The following GNG13 variants were observed in gnomAD, a reference collection of about 807,000 sequenced individuals.
The protein encoded by GNG13 is guanine nucleotide-binding protein G(I)/G(S)/G(O) subunit gamma-13.
Under a neutral mutation model 8.2 loss-of-function variants are expected in GNG13, and 12 were observed. The observed-to-expected ratio is 1.47, with a 90% confidence interval of 0.94 to 2.38. The LOEUF is 2.38. Among genes scored for constraint, GNG13 ranks in the 30% most tolerant of loss-of-function variants. The pLI is 0.00. For missense variants in GNG13, 100 were observed against 85.2 expected (o/e 1.17, Z -0.68); for synonymous variants, 45 against 33.0 (o/e 1.37, Z -1.25).
chr16:800,291 C>G (rs2042435232), intron 1 of GNG13, among the ~76,000 whole-genome samples: 2 of 152,302 alleles, frequency 1.3e-5, no homozygotes, highest in Admixed American at 6.5e-5. Context: ...GGGCGCAGGA[C>G]TAGCTGCGTG....
In GNG13 at chr16:798,655, AGATGGTGGGAG is replaced by A. The variant is rs2042419694; in HGVS notation, c.*53_*63del. On this transcript the variant is annotated 3_prime_UTR_variant, in exon 3 of 3. Coordinates refer to ENST00000248150, the MANE Select transcript of GNG13 (RefSeq NM_016541.3). ...GAGTGGGGCTGGGCACAGTCTTACA[AGATGGTGGGAG>A]TGGGGCCGGGCGTGGTCTCACAGGA... The A allele has an allele frequency of 4.5e-6, 4 of 882,840 alleles. No homozygotes were observed. The Admixed American group carries it at 7.8e-5, about 17-fold the overall frequency. The allele number at this position is 882,840 out of a possible 1,614,324, so 54.7% of individuals were successfully genotyped here. A position where few individuals can be genotyped will look rare whatever the true frequency, so the allele number is the denominator to read the frequency against.
chr16:800,282 G>GGC lies in GNG13; in HGVS notation c.-35+382_-35+383dup, dbSNP rs533426639. Among the ~76,000 whole-genome samples, 3 of 152,296 alleles carry GGC rather than the reference G, an allele frequency of 2.0e-5. No individual in the cohort carries two copies. In the South Asian group the frequency reaches 6.2e-4, roughly 32 times the overall value. On this transcript the variant is annotated intron_variant, in intron 1 of 2. Coordinates refer to ENST00000248150, the MANE Select transcript of GNG13 (RefSeq NM_016541.3). ...CGGAGACCCTACACTCAGCCCCGTG[G>GGC]GCGCAGGACTAGCTGCGTGCGGGTC...
In GNG13 at chr16:798,737, G is replaced by A. The variant is rs1360320593; in HGVS notation, c.186C>T (p.Gly62=). 1 of 1,608,592 alleles carries A rather than the reference G, an allele frequency of 6.2e-7. No individual in the cohort carries two copies. The highest frequency in any genetic ancestry group is 8.5e-7 in the Non-Finnish European group (1 of 1,175,270). ...GCGGGGCTCACAGGATGGTGCATTT[G>A]CCCTTTTCCACCCATGGGTTGTTCT... ...LMKNNPWVEK[G]KCTIL Residue 62 remains glycine (G), a synonymous_variant, in exon 3 of 3, where the codon GGC becomes GGT. Coordinates refer to ENST00000248150, the MANE Select transcript of GNG13 (RefSeq NM_016541.3).
Position 798,206 on chromosome 16 carries a change from G to T in GNG13, c.*513C>A, listed in dbSNP as rs528362904. ...AGTGGGGCCAGGCGTGGTCTCACAG[G>T]ATAGAGTGAGTGGGGCCGGGCGTGG... On this transcript the variant is annotated 3_prime_UTR_variant, in exon 3 of 3. Transcript: ENST00000248150. The T allele has an allele frequency of 2.3e-5, 15 of 652,482 alleles. No homozygotes were observed. Among genetic ancestry groups the T allele is most frequent in the African/African-American group, 2.2e-4 (12 of 54,980 alleles). The allele number at this position is 652,482 out of a possible 1,614,324, so 40.4% of individuals were successfully genotyped here. A position where few individuals can be genotyped will look rare whatever the true frequency, so the allele number is the denominator to read the frequency against.
Position 798,495 on chromosome 16 carries a change from T to C in GNG13, c.*224A>G, listed in dbSNP as rs2042417610. On this transcript the variant is annotated 3_prime_UTR_variant, in exon 3 of 3. Coordinates refer to ENST00000248150, the MANE Select transcript of GNG13 (RefSeq NM_016541.3). ...AGTGGGACTCACAGGATGGAGTGAATGGGGCTGGGCATAGTCTTACAAGAT... is the reference window on the plus strand; with the variant it reads ...AGTGGGACTCACAGGATGGAGTGAACGGGGCTGGGCATAGTCTTACAAGAT... The C allele has an allele frequency of 1.8e-6, 1 of 561,318 alleles. No homozygotes were observed. Among genetic ancestry groups the C allele is most frequent in the Non-Finnish European group, 3.2e-6 (1 of 312,346 alleles). The allele number at this position is 561,318 out of a possible 1,614,324, so 34.8% of individuals were successfully genotyped here.
At position 799,119 on chromosome 16, in the gene GNG13, G is replaced by T; in HGVS notation, c.-34-8C>A. 1.6e-6 allele frequency: 2 copies of T among 1,221,288 alleles called. No homozygotes were observed. Among genetic ancestry groups the T allele is most frequent in the Non-Finnish European group, 2.4e-6 (2 of 828,444 alleles). 75.7% of individuals were successfully genotyped at this position (1,221,288 alleles called of 1,614,324 possible). ...GAAGCAGCCAGCCTGGGGCTGGAGG[G>T]CACAGGAGGAAGCCACAGGGCCGAG... On this transcript the variant is annotated splice_region_variant and splice_polypyrimidine_tract_variant and intron_variant, in intron 1 of 2. Transcript: ENST00000248150.
At position 798,747 on chromosome 16, in the gene GNG13, A is replaced by G; in HGVS notation, c.176T>C (p.Val59Ala). 1 of 1,611,962 alleles carries G rather than the reference A, an allele frequency of 6.2e-7. No homozygotes were observed. Among genetic ancestry groups the G allele is most frequent in the Non-Finnish European group, 8.5e-7 (1 of 1,178,484 alleles). ...CAGGATGGTGCATTTGCCCTTTTCC[A>G]CCCATGGGTTGTTCTTCATCAGGTC... ...NPDLMKNNPW[V>A]EKGKCTIL Residue 59 changes from valine to alanine, a missense_variant, in exon 3 of 3, where the codon GTG becomes GCG. Val to Ala is a moderately conservative substitution (Grantham distance 64). Coordinates refer to ENST00000248150, the MANE Select transcript of GNG13 (RefSeq NM_016541.3).
At chr16:800,423 C>A (rs972218389) in intron 1 of GNG13, among the ~76,000 whole-genome samples, 1 of 152,228 alleles carries the variant, frequency 6.6e-6, no homozygotes, top group African/African-American at 2.4e-5. Context: ...CGTGGACGCC[C>A]CCAGCCACGG....
chr16:798,660 G>T lies in GNG13; in HGVS notation c.*59C>A. Reference sequence around the variant, plus strand: ...GGGCTGGGCACAGTCTTACAAGATGGTGGGAGTGGGGCCGGGCGTGGTCTC... The same window carrying T: ...GGGCTGGGCACAGTCTTACAAGATGTTGGGAGTGGGGCCGGGCGTGGTCTC... On this transcript the variant is annotated 3_prime_UTR_variant, in exon 3 of 3. Coordinates refer to ENST00000248150, the MANE Select transcript of GNG13 (RefSeq NM_016541.3). 1 of 1,006,038 alleles carries T rather than the reference G, an allele frequency of 9.9e-7. No individual in the cohort carries two copies. Among genetic ancestry groups the T allele is most frequent in the Non-Finnish European group, 1.6e-6 (1 of 628,488 alleles). The allele number at this position is 1,006,038 out of a possible 1,614,324, so 62.3% of individuals were successfully genotyped here. A position where few individuals can be genotyped will look rare whatever the true frequency, so the allele number is the denominator to read the frequency against.
At chr16:799,525 G>T (rs939101204) in intron 1 of GNG13, among the ~76,000 whole-genome samples, 2 of 152,058 alleles carry the variant, frequency 1.3e-5, no homozygotes, top group Non-Finnish European at 2.9e-5. Flanking sequence ...GCCCCGCCCC[G>T]CTGTGTGCCC....
At chr16:800,314 G>A (rs2042435413) in intron 1 of GNG13, among the ~76,000 whole-genome samples, 1 of 152,182 alleles carries the variant, frequency 6.6e-6, no homozygotes, top group South Asian at 2.1e-4. Context: ...GGTCCTCCCA[G>A]GCCCGGGGTG....
chr16:800,351 T>C (rs1228600282), intron 1 of GNG13, among the ~76,000 whole-genome samples: 3 of 152,142 alleles, frequency 2.0e-5, no homozygotes, highest in East Asian at 1.9e-4. Flanking sequence ...AGCCCAGTCC[T>C]TGCTGCCCAG....
intron 1 of GNG13, 122 bp from the exon 2 acceptor site, chr16:799,233 C>T (rs1010686172): frequency 2.1e-5 from 13 of 624,316 alleles, no homozygotes; most frequent in Non-Finnish European, 3.8e-5. Flanking sequence ...CACACCACTG[C>T]CTGGGCCAGT....
chr16:799,536 C>G (rs901109943), intron 1 of GNG13, among the ~76,000 whole-genome samples: 1 of 152,148 alleles, frequency 6.6e-6, no homozygotes, highest in African/African-American at 2.4e-5. Flanking sequence ...CTGTGTGCCC[C>G]TTTGCTTTGC....
At chr16:800,642 C>G (rs1006323536) in intron 1 of GNG13, 24 bp downstream of exon 1, 2 of 152,278 alleles carry the variant, frequency 1.3e-5, no homozygotes. Flanking sequence ...TCCCTAGCCC[C>G]GGGCGCCTGT....
At chr16:799,618 T>G (rs1248485868) in intron 1 of GNG13, among the ~76,000 whole-genome samples, 1 of 152,142 alleles carries the variant, frequency 6.6e-6, no homozygotes, top group Non-Finnish European at 1.5e-5. Flanking sequence ...CTCTGGCAGG[T>G]GGGGTGTGTG....
At position 798,761 on chromosome 16, in the gene GNG13, C is replaced by G. The variant is rs199907542; in HGVS notation, c.162G>C (p.Lys54Asn). ...TGCCCTTTTCCACCCATGGGTTGTT[C>G]TTCATCAGGTCGGGGTTCAGGAAGG... is the stretch of plus-strand genomic sequence containing the variant. Reference protein sequence around the residue: ...KDPFLNPDLMKNNPWVEKGKC... With the variant: ...KDPFLNPDLMNNNPWVEKGKC... The change falls in exon 3 of 3, where the codon AAG becomes AAC. Residue 54 changes from lysine (K) to asparagine (N), a missense_variant. Transcript: ENST00000248150. 5.6e-6 allele frequency: 9 copies of G among 1,613,122 alleles called. No individual in the cohort carries two copies. In the East Asian group the frequency reaches 6.7e-5, roughly 12 times the overall value.
chr16:799,730 G>A lies in GNG13; in HGVS notation c.-34-619C>T, dbSNP rs527924908. Among the ~76,000 whole-genome samples, 37 of 152,206 alleles carry A rather than the reference G, an allele frequency of 2.4e-4. No homozygotes were observed. In the East Asian group the frequency reaches 7.0e-3, roughly 29 times the overall value. On this transcript the variant is annotated intron_variant, in intron 1 of 2. Transcript: ENST00000248150. ...TGTCTGGGAACCACACACGTTACCT[G>A]CGTGCTTTCTGCTTGTGGCCAGCCT...
Position 798,697 on chromosome 16 carries a change from T to G in GNG13, c.*22A>C. 1.5e-5 allele frequency: 22 copies of G among 1,430,852 alleles called. No homozygotes were observed. Among genetic ancestry groups the G allele is most frequent in the East Asian group, 2.3e-5 (1 of 43,788 alleles). 88.6% of individuals were successfully genotyped at this position (1,430,852 alleles called of 1,614,324 possible). ...CCGGGCGTGGTCTCACAGGATGGTG[T>G]GAGAGGGGCCGGGTGCGGGGCTCAC... On this transcript the variant is annotated 3_prime_UTR_variant, in exon 3 of 3. Transcript: ENST00000248150.
Sources: allele counts gnomAD v4.1 joint callset (sites outside exome capture counted in the v4.1 genomes callset), GRCh38; gene constraint gnomAD v4.1.1; transcripts MANE v1.5; gene names NCBI Gene and HGNC (gene_info 2026-07-23, HGNC 2026-07-21).